ZNF226: variants seen among roughly 807,000 people sequenced by gnomAD.
ZNF226 encodes the protein zinc finger protein 226, also known as Kruppel-associated box protein.
A neutral mutation model predicts 11.4 loss-of-function variants in ZNF226; 6 were observed. That is an observed-to-expected ratio of 0.53 (90% CI 0.29 to 1.04). The LOEUF is 1.04. Among genes scored for constraint, ZNF226 ranks in the 50% least tolerant of loss-of-function variants. The probability of loss-of-function intolerance (pLI) is 0.08; values close to 1 mark genes in which losing one functional copy is unlikely to be tolerated. For synonymous variants in ZNF226, 350 were observed against 322.8 expected, an observed-to-expected ratio of 1.08 and a Z score of -0.90; for missense variants, 1,058 against 956.5, an observed-to-expected ratio of 1.11 and a Z score of -1.40.
the ZNF226 span, among the ~76,000 whole-genome samples, chr19:44,193,483 G>A: frequency 6.6e-6 from 1 of 151,824 alleles, no homozygotes; most frequent in African/African-American, 2.4e-5. Flanking sequence ...AATCTTATGA[G>A]GGAAGTGGAC....
At chr19:44,167,913 G>A (rs1463281730) in intron 2 of ZNF226, 1 of 152,204 alleles carries the variant, frequency 6.6e-6, no homozygotes, top group Non-Finnish European at 1.5e-5. Flanking sequence ...TATGTTAGAT[G>A]AGTTGGGGAG....
Position 44,170,068 on chromosome 19 carries a change from G to A in ZNF226, c.-13G>A, listed in dbSNP as rs374442712. ...CTTAGGACTCTGCACTTCCCCAGAA[G>A]GAAGAATTAAAAATGAATATGTTCA... On this transcript the variant is annotated 5_prime_UTR_variant, in exon 3 of 6. Coordinates refer to ENST00000337433, the MANE Select transcript of ZNF226 (RefSeq NM_001032373.2). 1 of 1,611,102 alleles carries A rather than the reference G, an allele frequency of 6.2e-7. No homozygotes were observed. Among genetic ancestry groups the A allele is most frequent in the African/African-American group, 1.3e-5 (1 of 74,812 alleles).
the ZNF226 span, among the ~76,000 whole-genome samples, chr19:44,190,059 A>G: frequency 6.6e-6 from 1 of 152,188 alleles, no homozygotes; most frequent in East Asian, 1.9e-4. Context: ...TAAAAACTCA[A>G]AGACAATGCA....
At chr19:44,172,785 A>G in intron 4 of ZNF226, 75 bp from the exon 5 acceptor site, 1 of 1,178,940 alleles carries the variant, frequency 8.5e-7, no homozygotes, top group Admixed American at 2.4e-5. Flanking sequence ...TTGAATGTGC[A>G]GTTGCAACTC....
intron 5 of ZNF226, chr19:44,174,900 AACTC>A: frequency 7.7e-7 from 1 of 1,292,406 alleles, no homozygotes; most frequent in Middle Eastern, 1.9e-4. Context: ...CTTCAGCAAT[AACTC>A]ACTTGGTGTA....
chr19:44,180,098 A>C (rs1456554306), downstream of ZNF226, among the ~76,000 whole-genome samples: 6 of 150,600 alleles, frequency 4.0e-5, no homozygotes, highest in South Asian at 2.1e-4. Flanking sequence ...AAAAAAAAAA[A>C]AAAAAAAAAA....
In ZNF226 at chr19:44,176,191, ATGAGTGTGG is replaced by A. The variant is rs760812461; in HGVS notation, c.931_939del (p.Glu311_Gly313del). On this transcript the variant is annotated inframe_deletion, in exon 6 of 6. Coordinates refer to ENST00000337433, the MANE Select transcript of ZNF226 (RefSeq NM_001032373.2). ...CATGTGGGAGAAAAACTTAAGTGTG[ATGAGTGTGG>A]TAAGGAATTCAGTCAGGGCGCTCAT... 8.1e-6 allele frequency: 13 copies of A among 1,614,094 alleles called. No homozygotes were observed. Among genetic ancestry groups the A allele is most frequent in the Non-Finnish European group, 1.1e-5 (13 of 1,180,034 alleles).
rs773608113 is a variant in ZNF226, at chr19:44,176,694, A to G, written c.1432A>G (p.Thr478Ala). The G allele has an allele frequency of 3.1e-6, 5 of 1,613,656 alleles. No individual in the cohort carries two copies. The South Asian group carries it at 4.4e-5, about 14-fold the overall frequency. ...VHTGEKSYIC[T>A]VCGKGFTLSS... ...CACTGGAGAGAAGTCATACATATGT[A>G]CTGTATGTGGGAAAGGCTTTACTCT... The change falls in exon 6 of 6, where the codon ACT becomes GCT. Residue 478 changes from threonine (T) to alanine (A), a missense_variant. Transcript: ENST00000337433.
chr19:44,178,467 C>G (rs1485571221), downstream of ZNF226: 4 of 152,138 alleles, frequency 2.6e-5, no homozygotes, highest in African/African-American at 7.2e-5. Flanking sequence ...TGATTGCCTT[C>G]TAAGGGCTTT....
the ZNF226 span, among the ~76,000 whole-genome samples, chr19:44,186,918 GGT>G: frequency 6.7e-6 from 1 of 150,326 alleles, no homozygotes; most frequent in Non-Finnish European, 1.5e-5. Flanking sequence ...TTTGTTATGT[GGT>G]GTATTACATT....
At chr19:44,172,299 G>A in intron 4 of ZNF226, 85 bp downstream of exon 4, 1 of 1,505,602 alleles carries the variant, frequency 6.6e-7, no homozygotes, top group Non-Finnish European at 8.9e-7. Flanking sequence ...CTGAGTGTGG[G>A]AATCTGACTT....
chr19:44,168,474 G>A (rs1969662398), intron 2 of ZNF226, among the ~76,000 whole-genome samples: 1 of 152,090 alleles, frequency 6.6e-6, no homozygotes, highest in Admixed American at 6.5e-5. Flanking sequence ...CAGTCTAATT[G>A]TATGCATTGC....
chr19:44,170,749 TAAAA>T (rs1277057609), intron 3 of ZNF226, among the ~76,000 whole-genome samples: 1 of 151,468 alleles, frequency 6.6e-6, no homozygotes, highest in African/African-American at 2.4e-5. Flanking sequence ...AATAAATAAA[TAAAA>T]AATAAAAAAA....
the ZNF226 span, among the ~76,000 whole-genome samples, chr19:44,197,688 C>T: frequency 6.6e-6 from 1 of 152,146 alleles, no homozygotes; most frequent in African/African-American, 2.4e-5. Flanking sequence ...AGTGCTTACT[C>T]AAGTGATTTG....
the ZNF226 span, among the ~76,000 whole-genome samples, chr19:44,188,819 T>C: frequency 6.6e-6 from 1 of 152,346 alleles, no homozygotes; most frequent in East Asian, 1.9e-4. Context: ...ATTACATTTA[T>C]TCAGGAATGA....
downstream of ZNF226, among the ~76,000 whole-genome samples, chr19:44,181,440 G>A (rs1970905736): frequency 2.0e-5 from 3 of 150,016 alleles, no homozygotes; most frequent in South Asian, 6.2e-4. Flanking sequence ...CCTATTTTGA[G>A]CCTCCAGGAG....
In ZNF226 at chr19:44,177,041, C is replaced by A. The variant is rs764954266; in HGVS notation, c.1779C>A (p.Gly593=). 4.3e-6 allele frequency: 7 copies of A among 1,612,934 alleles called. No individual in the cohort carries two copies. Among genetic ancestry groups the A allele is most frequent in the Middle Eastern group, 1.7e-4 (1 of 6,050 alleles). ...AACCATACAAATGTGAAGAGTGTGG[C>A]AAGGGATTTAGTCGTAGAGCAGATC... ...GEKPYKCEEC[G]KGFSRRADLK... is the part of the protein sequence containing the mutation. Residue 593 remains glycine, a synonymous_variant, in exon 6 of 6, where the codon GGC becomes GGA. Coordinates refer to ENST00000337433, the MANE Select transcript of ZNF226 (RefSeq NM_001032373.2).
At chr19:44,185,011 T>C in the ZNF226 span, among the ~76,000 whole-genome samples, 1 of 152,258 alleles carries the variant, frequency 6.6e-6, no homozygotes. Context: ...GAGTAGACTC[T>C]TACAGTATTT....
chr19:44,190,418 C>T, the ZNF226 span, among the ~76,000 whole-genome samples: 2 of 152,058 alleles, frequency 1.3e-5, no homozygotes, highest in African/African-American at 4.8e-5. Flanking sequence ...ACTGCAAGCT[C>T]CGCCTCCCGG....
Sources: allele counts gnomAD v4.1 joint callset (sites outside exome capture counted in the v4.1 genomes callset), GRCh38; gene constraint gnomAD v4.1.1; transcripts MANE v1.5; gene names NCBI Gene and HGNC (gene_info 2026-07-23, HGNC 2026-07-21).